Variants in PKN2 observed in about 807,000 individuals in gnomAD.
The protein encoded by PKN2 is serine/threonine-protein kinase N2.
In PKN2, 38 loss-of-function variants were observed where a neutral mutation model predicts 119.1. The ratio of observed to expected loss-of-function variants is 0.32; its 90% CI spans 0.25 to 0.42. The LOEUF (loss-of-function observed/expected upper bound fraction) is 0.42, where lower values mean the gene tolerates loss of function less well. PKN2 is among the 10% of genes least tolerant of loss of function. The pLI is 1.00. For missense variants in PKN2, 850 were observed against 1,165.1 expected (o/e 0.73, Z 3.94); for synonymous variants, 390 against 384.9 (o/e 1.01, Z -0.15).
At chr1:88,792,555 C>T (rs1670888848) in intron 8 of PKN2, among the ~76,000 whole-genome samples, 1 of 152,170 alleles carries the variant, frequency 6.6e-6, no homozygotes, top group Non-Finnish European at 1.5e-5. Flanking sequence ...ACTCGAAAAT[C>T]CACATAACAC....
At chr1:88,818,993 C>G (rs563448059) in intron 16 of PKN2, among the ~76,000 whole-genome samples, 8 of 133,294 alleles carry the variant, frequency 6.0e-5, no homozygotes, top group African/African-American at 2.8e-4. Context: ...GGAACTGAAA[C>G]TGAACCCCTT....
intron 8 of PKN2, among the ~76,000 whole-genome samples, chr1:88,795,305 A>G (rs1671016772): frequency 6.6e-6 from 1 of 152,124 alleles, no homozygotes; most frequent in African/African-American, 2.4e-5. Context: ...GCCTTGTTTC[A>G]TAAGTTAGCC....
At chr1:88,817,770 A>C (rs1672065693) in intron 16 of PKN2, among the ~76,000 whole-genome samples, 2 of 151,922 alleles carry the variant, frequency 1.3e-5, no homozygotes, top group Admixed American at 1.3e-4. Context: ...CATGCTAAAA[A>C]CTCAATAAAC....
intron 17 of PKN2, 92 bp downstream of exon 17, chr1:88,822,095 A>G (rs2100916942): frequency 1.7e-6 from 2 of 1,174,032 alleles, no homozygotes; most frequent in East Asian, 2.9e-5. Flanking sequence ...TTTTATGTTT[A>G]ACCAGTTTCT....
chr1:88,783,610 A>G (rs1670445869), intron 6 of PKN2, among the ~76,000 whole-genome samples: 1 of 152,220 alleles, frequency 6.6e-6, no homozygotes, highest in Admixed American at 6.5e-5. Context: ...TAATGGGACA[A>G]CTTTTACCAG....
At chr1:88,703,437 A>G (rs1296704235) in intron 1 of PKN2, among the ~76,000 whole-genome samples, 2 of 151,946 alleles carry the variant, frequency 1.3e-5, no homozygotes, top group Non-Finnish European at 2.9e-5. Context: ...TATTTTTGTT[A>G]TTTATATATT....
Position 88,835,888 on chromosome 1 carries a change from A to G in PKN2, c.*2440A>G, listed in dbSNP as rs936652318. ...AACTTTTCTGTGTTCAAAATCTCAAAGACTAATTAACTTTAATAAACATTC... is the reference window on the plus strand; with the variant it reads ...AACTTTTCTGTGTTCAAAATCTCAAGGACTAATTAACTTTAATAAACATTC... On this transcript the variant is annotated 3_prime_UTR_variant, in exon 22 of 22. Coordinates refer to ENST00000370521, the MANE Select transcript of PKN2 (RefSeq NM_006256.4). 2.6e-5 allele frequency: 4 copies of G among 152,220 alleles called. No individual in the cohort carries two copies. The highest frequency in any genetic ancestry group is 4.8e-5 in the African/African-American group (2 of 41,446). 9.4% of individuals were successfully genotyped at this position (152,220 alleles called of 1,614,324 possible).
intron 6 of PKN2, among the ~76,000 whole-genome samples, chr1:88,783,591 T>C (rs1471604611): frequency 6.6e-6 from 1 of 152,186 alleles, no homozygotes; most frequent in African/African-American, 2.4e-5. Context: ...ATTAAGTAGT[T>C]ATTTAAATTA....
chr1:88,705,925 T>C (rs559205974), intron 1 of PKN2, among the ~76,000 whole-genome samples: 4 of 152,128 alleles, frequency 2.6e-5, no homozygotes, highest in Non-Finnish European at 5.9e-5. Flanking sequence ...TCTGGGAGTA[T>C]TAGTCTTCCA....
At chr1:88,798,887 G>T (rs1318380139) in intron 8 of PKN2, among the ~76,000 whole-genome samples, 1 of 152,204 alleles carries the variant, frequency 6.6e-6, no homozygotes, top group Non-Finnish European at 1.5e-5. Flanking sequence ...ATGTGGGCTG[G>T]ATTTAAAGGA....
chr1:88,714,802 A>G (rs1027588313), intron 1 of PKN2, among the ~76,000 whole-genome samples: 5 of 152,132 alleles, frequency 3.3e-5, no homozygotes, highest in African/African-American at 1.2e-4. Flanking sequence ...AGAACTTCCA[A>G]TGCTGTGTTG....
intron 15 of PKN2, among the ~76,000 whole-genome samples, chr1:88,811,110 A>G (rs2100889905): frequency 6.6e-6 from 1 of 152,344 alleles, no homozygotes; most frequent in Middle Eastern, 3.4e-3. Flanking sequence ...TGTACCTACC[A>G]TTAGTAAAAC....
rs2100875667 is a variant in PKN2, at chr1:88,805,593, C to T, written c.1598C>T (p.Thr533Ile). 1.9e-6 allele frequency: 3 copies of T among 1,614,050 alleles called. No homozygotes were observed. The highest frequency in any genetic ancestry group is 1.7e-5 in the Admixed American group (1 of 60,002). ...ATTCCTACAGTAAATCATTCTGGCA[C>T]CTTCAGCCCTCAAGCTCCTGTGCCT... ...RAIPTVNHSG[T>I]FSPQAPVPTT... Residue 533 changes from threonine (T) to isoleucine (I), a missense_variant, in exon 11 of 22, where the codon ACC (threonine) becomes ATC (isoleucine). Physicochemically the swap from Thr to Ile is moderately conservative, Grantham distance 89. This residue lies in a region of PKN2 where 216 missense variants were observed against 252.8 expected (regional missense o/e 0.85). Coordinates refer to ENST00000370521, the MANE Select transcript of PKN2 (RefSeq NM_006256.4).
At chr1:88,699,876 G>T (rs1270216077) in intron 1 of PKN2, among the ~76,000 whole-genome samples, 4 of 152,028 alleles carry the variant, frequency 2.6e-5, no homozygotes, top group African/African-American at 9.7e-5. Context: ...TCTGCCTCCT[G>T]GGTTCAAGTG....
In PKN2 at chr1:88,771,654, C is replaced by T. The variant is rs377343059; in HGVS notation, c.769-9C>T. 6.2e-7 allele frequency: 1 copy of T among 1,609,556 alleles called. No individual in the cohort carries two copies. The highest frequency in any genetic ancestry group is 8.5e-7 in the Non-Finnish European group (1 of 1,176,444). On this transcript the variant is annotated splice_polypyrimidine_tract_variant and intron_variant, in intron 5 of 21. Transcript: ENST00000370521. ...TTAAATGACAACAATTGTCTTTTCC[C>T]TGTGCAAGGCTCAAGCAAGATTTAA...
intron 8 of PKN2, among the ~76,000 whole-genome samples, chr1:88,801,611 GA>G (rs1323903318): frequency 6.6e-6 from 1 of 152,152 alleles, no homozygotes; most frequent in Non-Finnish European, 1.5e-5. Context: ...CTTATGTTGT[GA>G]AGAAAGTAAC....
intron 2 of PKN2, among the ~76,000 whole-genome samples, chr1:88,742,352 A>G (rs1259066068): frequency 6.6e-6 from 1 of 152,172 alleles, no homozygotes; most frequent in African/African-American, 2.4e-5. Context: ...ACTGATATTT[A>G]GTGTTCTTGT....
intron 2 of PKN2, among the ~76,000 whole-genome samples, chr1:88,759,969 G>A (rs1190117273): frequency 6.6e-6 from 1 of 151,502 alleles, no homozygotes; most frequent in Non-Finnish European, 1.5e-5. Flanking sequence ...ATCTAACTGA[G>A]TTTCAGACTT....
At chr1:88,820,222 ATATATATATAT>A (rs1672207774) in intron 16 of PKN2, among the ~76,000 whole-genome samples, 16 of 111,392 alleles carry the variant, frequency 1.4e-4, no homozygotes, top group Non-Finnish European at 1.9e-4. Context: ...ATATATATAT[ATATATATATAT>A]AAATAGAAAA....
Sources: allele counts gnomAD v4.1 joint callset (sites outside exome capture counted in the v4.1 genomes callset), GRCh38; gene constraint gnomAD v4.1.1; regional missense constraint gnomAD v4.1.1; transcripts MANE v1.5; gene names NCBI Gene and HGNC (gene_info 2026-07-23, HGNC 2026-07-21).